USH2A: variants seen among roughly 807,000 people sequenced by gnomAD.
USH2A encodes the protein usherin.
In USH2A, 443 loss-of-function variants were observed where a neutral mutation model predicts 538.9. The ratio of observed to expected loss-of-function variants is 0.82; its 90% CI spans 0.76 to 0.89. USH2A has a LOEUF of 0.89. Ranked by LOEUF, USH2A falls within the 40% of genes least tolerant of loss-of-function variation. USH2A has a pLI of 0.00. For missense variants in USH2A, 6,633 were observed against 6,324.8 expected (o/e 1.05, Z -1.65); for synonymous variants, 2,413 against 2,273.5 (o/e 1.06, Z -1.75).
chr1:215,839,316 C>T (rs11120659), intron 46 of USH2A, among the ~76,000 whole-genome samples: 19,827 of 152,016 alleles, frequency 0.13, 1,720 homozygotes, highest in African/African-American at 0.25. Context: ...AGAATCAATT[C>T]AACTGAATTT....
At chr1:215,999,360 C>CTGCTTCTGAAACA (rs1668213039) in intron 33 of USH2A, among the ~76,000 whole-genome samples, 1 of 151,988 alleles carries the variant, frequency 6.6e-6, no homozygotes, top group Admixed American at 6.6e-5. Flanking sequence ...ACTTCAGAAG[C>CTGCTTCTGAAACA]AGAACTTCTG....
intron 11 of USH2A, among the ~76,000 whole-genome samples, chr1:216,257,201 G>T (rs1220315719): frequency 1.3e-5 from 2 of 151,552 alleles, no homozygotes; most frequent in Non-Finnish European, 2.9e-5. Flanking sequence ...TTTTTAATGT[G>T]TCTTATAGTA....
chr1:216,272,749 G>A (rs888409507), intron 11 of USH2A, among the ~76,000 whole-genome samples: 1 of 152,076 alleles, frequency 6.6e-6, no homozygotes, highest in South Asian at 2.1e-4. Flanking sequence ...TAGTGAGTAG[G>A]CAAAAAGTGA....
At chr1:215,866,138 G>A (rs943878795) in intron 44 of USH2A, among the ~76,000 whole-genome samples, 2 of 152,164 alleles carry the variant, frequency 1.3e-5, no homozygotes, top group African/African-American at 4.8e-5. Flanking sequence ...ATTCTGACAA[G>A]TTTTGATGAA....
chr1:216,232,492 C>T (rs2035719789), intron 13 of USH2A, among the ~76,000 whole-genome samples: 1 of 152,158 alleles, frequency 6.6e-6, no homozygotes, highest in South Asian at 2.1e-4. Context: ...TTTGGTAGGG[C>T]AGACTTATAA....
chr1:215,741,233 A>G (rs1445785192), intron 60 of USH2A, 142 bp downstream of exon 60: 1 of 1,034,516 alleles, frequency 9.7e-7, no homozygotes, highest in Non-Finnish European at 1.4e-6. Context: ...CAAACAAACA[A>G]ACATACAAAA....
intron 4 of USH2A, among the ~76,000 whole-genome samples, chr1:216,362,310 T>C (rs992874326): frequency 1.3e-5 from 2 of 152,060 alleles, no homozygotes; most frequent in African/African-American, 2.4e-5. Flanking sequence ...ATAAATGAAA[T>C]GCAAATGATC....
At chr1:216,203,102 C>T (rs2035034160) in intron 16 of USH2A, among the ~76,000 whole-genome samples, 1 of 152,010 alleles carries the variant, frequency 6.6e-6, no homozygotes. Flanking sequence ...CATATTTGAT[C>T]TATTGTTCCA....
At chr1:216,408,918 T>C (rs1232255677) in intron 3 of USH2A, among the ~76,000 whole-genome samples, 1 of 152,146 alleles carries the variant, frequency 6.6e-6, no homozygotes. Context: ...TCACATGTCA[T>C]CACACTACAC....
At chr1:216,300,154 A>G (rs2037185518) in intron 9 of USH2A, among the ~76,000 whole-genome samples, 1 of 152,210 alleles carries the variant, frequency 6.6e-6, no homozygotes, top group Admixed American at 6.5e-5. Flanking sequence ...CATTATAAGT[A>G]AATTTTTGAA....
intron 16 of USH2A, among the ~76,000 whole-genome samples, chr1:216,201,472 C>T (rs1453359258): frequency 1.3e-5 from 2 of 151,996 alleles, no homozygotes; most frequent in Non-Finnish European, 2.9e-5. Flanking sequence ...CACCACCACG[C>T]CCGGCTAATT....
At chr1:216,386,011 T>C (rs1241245697) in intron 3 of USH2A, among the ~76,000 whole-genome samples, 1 of 152,186 alleles carries the variant, frequency 6.6e-6, no homozygotes, top group African/African-American at 2.4e-5. Flanking sequence ...TCCATAAATG[T>C]TACAGTCATT....
intron 71 of USH2A, among the ~76,000 whole-genome samples, chr1:215,628,261 A>G (rs1178563155): frequency 2.6e-5 from 4 of 152,082 alleles, no homozygotes; most frequent in Admixed American, 6.6e-5. Context: ...TGCTCCAAGT[A>G]TATGAAGTAT....
intron 67 of USH2A, among the ~76,000 whole-genome samples, chr1:215,641,721 C>T (rs1656691049): frequency 6.6e-6 from 1 of 152,022 alleles, no homozygotes; most frequent in Admixed American, 6.6e-5. Context: ...GAATCTGATT[C>T]TTTTTCTTTA....
At chr1:215,828,574 T>C (rs1179950495) in intron 47 of USH2A, among the ~76,000 whole-genome samples, 2 of 152,242 alleles carry the variant, frequency 1.3e-5, no homozygotes, top group East Asian at 3.8e-4. Context: ...AAGAATATCA[T>C]TGATCTCATT....
intron 64 of USH2A, among the ~76,000 whole-genome samples, chr1:215,657,353 G>A (rs375249206): frequency 1.1e-4 from 16 of 152,266 alleles, no homozygotes; most frequent in East Asian, 9.7e-4. Context: ...TGCTGGAATC[G>A]CGGTTAAAGA....
At position 215,890,702 on chromosome 1, in the gene USH2A, C is replaced by T. The variant is rs186640478; in HGVS notation, c.7595-1648G>A. On this transcript the variant is annotated intron_variant, in intron 40 of 71. Coordinates refer to ENST00000307340, the MANE Select transcript of USH2A (RefSeq NM_206933.4). Reference sequence around the variant, plus strand: ...GCTCTCTGGTATACAGTAGCAGTAGCAATTATTATATCAAAATGGGGATAC... The same window carrying T: ...GCTCTCTGGTATACAGTAGCAGTAGTAATTATTATATCAAAATGGGGATAC... 4.1e-3 allele frequency among the ~76,000 whole-genome samples: 624 copies of T among 152,238 alleles called. 6 individuals carry two copies. The highest frequency in any genetic ancestry group is 0.014 in the African/African-American group (590 of 41,544).
At chr1:215,825,941 G>T (rs571554080) in intron 47 of USH2A, among the ~76,000 whole-genome samples, 1 of 152,274 alleles carries the variant, frequency 6.6e-6, no homozygotes, top group African/African-American at 2.4e-5. Context: ...TGTCCTTGGA[G>T]GAAAATGTGG....
chr1:215,803,479 T>C (rs998927301), intron 49 of USH2A, among the ~76,000 whole-genome samples: 1 of 152,184 alleles, frequency 6.6e-6, no homozygotes, highest in Non-Finnish European at 1.5e-5. Flanking sequence ...AGCATTCTTA[T>C]ACACCAATAA....
Sources: gnomAD v4.1 joint callset for allele counts (sites outside exome capture counted in the v4.1 genomes callset) on GRCh38, gnomAD v4.1.1 for gene constraint, MANE v1.5 for transcripts, NCBI Gene and HGNC (gene_info 2026-07-23, HGNC 2026-07-21) for gene names.